SGCD: variants seen among roughly 807,000 people sequenced by gnomAD.
SGCD encodes delta-sarcoglycan.
In SGCD, 18 loss-of-function variants were observed where a neutral mutation model predicts 36.6. That is an observed-to-expected ratio of 0.49 (90% confidence interval 0.34 to 0.73). The LOEUF is 0.73. SGCD is among the 30% of genes least tolerant of loss of function. SGCD has a pLI of 0.01. For synonymous variants in SGCD, 133 were observed against 130.6 expected, an observed-to-expected ratio of 1.02 and a Z score of -0.12; for missense variants, 387 against 346.7, an observed-to-expected ratio of 1.12 and a Z score of -0.92.
chr5:156,250,090 T>G (rs1249100414), intron 3 of SGCD, among the ~76,000 whole-genome samples: 2 of 152,236 alleles, frequency 1.3e-5, no homozygotes, highest in African/African-American at 2.4e-5. Flanking sequence ...ATAATGAGCG[T>G]TGAAACTTTG....
intron 1 of SGCD, among the ~76,000 whole-genome samples, chr5:156,327,797 CATT>C (rs1173660854): frequency 1.3e-5 from 2 of 152,136 alleles, no homozygotes; most frequent in African/African-American, 2.4e-5. Context: ...GTTTGACTGT[CATT>C]ATCTGGGATT....
chr5:156,687,996 T>A (rs39927), intron 7 of SGCD, among the ~76,000 whole-genome samples: 139,584 of 152,274 alleles, frequency 0.92, 64,151 homozygotes, highest in East Asian at 0.99. Flanking sequence ...ACAGATGTAC[T>A]CACACCACTA....
chr5:156,101,538 C>T (rs574931838), intron 1 of SGCD, among the ~76,000 whole-genome samples: 3 of 152,084 alleles, frequency 2.0e-5, no homozygotes, highest in Non-Finnish European at 4.4e-5. Context: ...CCTAATGAAT[C>T]GTTATTGCCC....
At chr5:155,757,802 G>A in the SGCD span, among the ~76,000 whole-genome samples, 3 of 152,094 alleles carry the variant, frequency 2.0e-5, no homozygotes, top group Admixed American at 2.0e-4. Context: ...ATCTCATCTT[G>A]AATTCCCAGA....
intron 4 of SGCD, among the ~76,000 whole-genome samples, chr5:156,579,590 G>T (rs1760153256): frequency 6.6e-6 from 1 of 152,124 alleles, no homozygotes; most frequent in Non-Finnish European, 1.5e-5. Flanking sequence ...ATGAATCTGG[G>T]TGCTCCTGTA....
intron 3 of SGCD, among the ~76,000 whole-genome samples, chr5:156,496,557 T>C (rs1191722335): frequency 6.6e-6 from 1 of 152,126 alleles, no homozygotes. Flanking sequence ...CTATCTGTCT[T>C]CTCTGAGTCG....
the SGCD span, among the ~76,000 whole-genome samples, chr5:155,863,148 T>C: frequency 6.6e-6 from 1 of 152,154 alleles, no homozygotes; most frequent in Non-Finnish European, 1.5e-5. Context: ...AGATAAATTA[T>C]AACAATCCTG....
intron 3 of SGCD, among the ~76,000 whole-genome samples, chr5:156,208,891 C>A (rs754746416): frequency 5.9e-5 from 9 of 152,102 alleles, no homozygotes; most frequent in Non-Finnish European, 7.4e-5. Flanking sequence ...GAAATTATAG[C>A]ACCTACATGT....
At chr5:155,987,857 C>T (rs865809801) in intron 1 of SGCD, among the ~76,000 whole-genome samples, 8 of 152,164 alleles carry the variant, frequency 5.3e-5, no homozygotes, top group African/African-American at 1.9e-4. Context: ...ACACCCTTCC[C>T]TCATTGACAT....
chr5:156,192,473 G>A (rs1763915167), intron 3 of SGCD, among the ~76,000 whole-genome samples: 1 of 152,074 alleles, frequency 6.6e-6, no homozygotes. Context: ...GCTGGGAAGT[G>A]TATGGGGGTA....
chr5:156,120,486 T>C (rs767536986), intron 2 of SGCD, among the ~76,000 whole-genome samples: 3 of 152,176 alleles, frequency 2.0e-5, no homozygotes, highest in Non-Finnish European at 4.4e-5. Flanking sequence ...AAAGGCTTAA[T>C]GAAGGTAGGA....
the SGCD span, among the ~76,000 whole-genome samples, chr5:155,781,234 T>C: frequency 2.6e-5 from 4 of 152,156 alleles, no homozygotes; most frequent in Admixed American, 1.3e-4. Context: ...TATGTTTTTG[T>C]TGAAGATTTT....
chr5:156,307,058 T>C (rs1767234235), intron 3 of SGCD, among the ~76,000 whole-genome samples: 1 of 150,086 alleles, frequency 6.7e-6, no homozygotes, highest in Non-Finnish European at 1.5e-5. Context: ...TTTTTTTTTT[T>C]TGATTTAGAG....
chr5:155,754,215 T>G, the SGCD span, among the ~76,000 whole-genome samples: 4 of 152,230 alleles, frequency 2.6e-5, no homozygotes, highest in African/African-American at 9.6e-5. Context: ...CTGATATATC[T>G]GTTAGGAATA....
At chr5:156,043,586 C>T (rs530809096) in intron 1 of SGCD, among the ~76,000 whole-genome samples, 1 of 152,258 alleles carries the variant, frequency 6.6e-6, no homozygotes, top group South Asian at 2.1e-4. Flanking sequence ...AACAGTTTTA[C>T]TGCTTGGAAA....
chr5:156,213,701 A>T (rs576901167), intron 3 of SGCD, among the ~76,000 whole-genome samples: 6 of 152,192 alleles, frequency 3.9e-5, no homozygotes, highest in African/African-American at 1.2e-4. Context: ...CCTAATTAGG[A>T]TTAATGCAAA....
chr5:156,313,582 G>A (rs1459557736), intron 3 of SGCD, among the ~76,000 whole-genome samples: 1 of 152,060 alleles, frequency 6.6e-6, no homozygotes, highest in Admixed American at 6.6e-5. Context: ...ATCCATAAGG[G>A]TAAAGTCTCC....
chr5:156,193,514 GCTGATATGTC>G (rs1763943871), intron 3 of SGCD, among the ~76,000 whole-genome samples: 1 of 152,178 alleles, frequency 6.6e-6, no homozygotes, highest in Admixed American at 6.6e-5. Flanking sequence ...CTTCTGCACA[GCTGATATGTC>G]CTAACATGTC....
intron 3 of SGCD, among the ~76,000 whole-genome samples, chr5:156,269,402 G>A (rs183915659): frequency 1.2e-4 from 17 of 146,386 alleles, no homozygotes; most frequent in African/African-American, 3.0e-4. Context: ...CCTGGGAGGC[G>A]GAGCCTGCAG....
Sources: gnomAD v4.1 joint callset for allele counts (sites outside exome capture counted in the v4.1 genomes callset) on GRCh38, gnomAD v4.1.1 for gene constraint, MANE v1.5 for transcripts, NCBI Gene and HGNC (gene_info 2026-07-23, HGNC 2026-07-21) for gene names.